CSMD1: variants seen among roughly 807,000 people sequenced by gnomAD.
The protein encoded by CSMD1 is CUB and sushi domain-containing protein 1.
In CSMD1, 213 loss-of-function variants were observed where a neutral mutation model predicts 417.5. That is an observed-to-expected ratio of 0.51 (90% CI 0.46 to 0.57). The LOEUF (loss-of-function observed/expected upper bound fraction) is 0.57, where lower values mean the gene tolerates loss of function less well. Ranked by LOEUF, CSMD1 falls within the 20% of genes least tolerant of loss-of-function variation. The pLI, the probability that CSMD1 is intolerant of heterozygous loss-of-function variation, is 0.00. For synonymous variants in CSMD1, 2,862 were observed against 1,736.8 expected (o/e 1.65, Z -16.11); for missense variants, 6,923 against 4,529.7 (o/e 1.53, Z -15.17).
chr8:4,447,354 G>A (rs1422227947), intron 2 of CSMD1, among the ~76,000 whole-genome samples: 4 of 152,288 alleles, frequency 2.6e-5, no homozygotes, highest in Non-Finnish European at 5.9e-5. Flanking sequence ...TGCTATACAA[G>A]TTAAGAGGAA....
At chr8:3,896,259 C>T (rs1341967951) in intron 5 of CSMD1, among the ~76,000 whole-genome samples, 1 of 152,138 alleles carries the variant, frequency 6.6e-6, no homozygotes, top group Non-Finnish European at 1.5e-5. Context: ...AACAGTCCTT[C>T]CAGAACTTGT....
At chr8:4,056,869 C>T (rs548570995) in intron 3 of CSMD1, among the ~76,000 whole-genome samples, 16 of 152,302 alleles carry the variant, frequency 1.1e-4, no homozygotes, top group Admixed American at 9.1e-4. Flanking sequence ...ATGAAGTCAT[C>T]ATTTTTTATG....
intron 5 of CSMD1, among the ~76,000 whole-genome samples, chr8:3,945,929 T>C (rs184076370): frequency 9.3e-4 from 142 of 152,270 alleles, no homozygotes; most frequent in African/African-American, 3.1e-3. Flanking sequence ...CAACTAAGAC[T>C]ATCATGATTA....
At chr8:4,646,629 C>G (rs1414484508) in intron 1 of CSMD1, among the ~76,000 whole-genome samples, 1 of 151,862 alleles carries the variant, frequency 6.6e-6, no homozygotes, top group East Asian at 1.9e-4. Context: ...TGTCTTTCCT[C>G]AACAATGAAG....
intron 3 of CSMD1, among the ~76,000 whole-genome samples, chr8:4,316,278 G>C (rs759427259): frequency 1.3e-5 from 2 of 152,088 alleles, no homozygotes; most frequent in Non-Finnish European, 2.9e-5. Flanking sequence ...AATTTGTTGT[G>C]ATCTGTAAGA....
At chr8:4,615,584 A>G (rs1315610108) in intron 2 of CSMD1, among the ~76,000 whole-genome samples, 1 of 152,180 alleles carries the variant, frequency 6.6e-6, no homozygotes, top group Non-Finnish European at 1.5e-5. Flanking sequence ...GAGGATAAAC[A>G]CTTCATTCAA....
At chr8:3,993,701 T>A (rs1715167929) in intron 5 of CSMD1, among the ~76,000 whole-genome samples, 1 of 152,204 alleles carries the variant, frequency 6.6e-6, no homozygotes, top group Non-Finnish European at 1.5e-5. Flanking sequence ...AACAGATGTT[T>A]CTTTTGAAGT....
chr8:3,609,931 A>G (rs973686997), intron 8 of CSMD1, among the ~76,000 whole-genome samples: 2 of 145,994 alleles, frequency 1.4e-5, no homozygotes, highest in Non-Finnish European at 3.0e-5. Context: ...CCTCCCAAGT[A>G]GCTGGGACTA....
At chr8:4,717,517 G>A (rs1237212553) in intron 1 of CSMD1, among the ~76,000 whole-genome samples, 1 of 150,606 alleles carries the variant, frequency 6.6e-6, no homozygotes, top group African/African-American at 2.5e-5. Flanking sequence ...ACAAGATTCA[G>A]TTACAAACCT....
At chr8:3,575,326 C>G (rs1161264223) in intron 9 of CSMD1, among the ~76,000 whole-genome samples, 1 of 152,156 alleles carries the variant, frequency 6.6e-6, no homozygotes, top group Non-Finnish European at 1.5e-5. Context: ...ACCAAAGGAT[C>G]TAACAGATGA....
At chr8:3,140,509 G>C (rs899037743) in intron 41 of CSMD1, among the ~76,000 whole-genome samples, 5 of 152,142 alleles carry the variant, frequency 3.3e-5, no homozygotes, top group African/African-American at 1.2e-4. Flanking sequence ...CACTGGTTTA[G>C]TCTCCAGTTT....
At chr8:3,306,713 C>A (rs1584967602) in intron 25 of CSMD1, among the ~76,000 whole-genome samples, 1 of 152,266 alleles carries the variant, frequency 6.6e-6, no homozygotes, top group Admixed American at 6.5e-5. Context: ...TTGGTTAGGA[C>A]TGTGTGTCCA....
intron 39 of CSMD1, among the ~76,000 whole-genome samples, chr8:3,156,559 C>T (rs1819547054): frequency 6.6e-6 from 1 of 152,122 alleles, no homozygotes; most frequent in African/African-American, 2.4e-5. Context: ...CTCACTGCAC[C>T]TGCAGGTGGG....
At chr8:3,163,997 A>G (rs1037491506) in intron 37 of CSMD1, among the ~76,000 whole-genome samples, 8 of 152,162 alleles carry the variant, frequency 5.3e-5, no homozygotes, top group Admixed American at 5.2e-4. Flanking sequence ...TGGATGATGG[A>G]GCCTGTAAGA....
chr8:4,045,492 T>TG, intron 3 of CSMD1, among the ~76,000 whole-genome samples: 1 of 152,136 alleles, frequency 6.6e-6, no homozygotes, highest in South Asian at 2.1e-4. Context: ...TGTCCCCAGT[T>TG]GGGGGAAGAC....
rs1002865203 is a variant in CSMD1, at chr8:3,308,448, G to C, written c.3687C>G (p.Ile1229Met). The stretch of plus-strand genomic sequence containing the variant: ...TGTCGGTAAAGTGGCCTTCATCACG[G>C]ATCCTATAGCCGTAGTTAGGGATGC... ...DPGIPNYGYR[I>M]RDEGHFTDTV... Residue 1229 changes from isoleucine to methionine, a missense_variant, in exon 24 of 70, where the codon ATC becomes ATG. By Grantham distance (10) the Ile-to-Met change is conservative. Transcript: ENST00000635120. The C allele has an allele frequency of 6.2e-7, 1 of 1,613,768 alleles. No homozygotes were observed. Among genetic ancestry groups the C allele is most frequent in the Non-Finnish European group, 8.5e-7 (1 of 1,179,786 alleles).
At chr8:4,954,214 A>T (rs189435293) in intron 1 of CSMD1, among the ~76,000 whole-genome samples, 1 of 152,208 alleles carries the variant, frequency 6.6e-6, no homozygotes, top group Non-Finnish European at 1.5e-5. Flanking sequence ...CCCTAACCTC[A>T]AGGAGCTCAG....
chr8:2,947,933 T>TG (rs1395340392), intron 68 of CSMD1, among the ~76,000 whole-genome samples: 15 of 151,996 alleles, frequency 9.9e-5, no homozygotes, highest in Admixed American at 9.8e-4. Flanking sequence ...TTATCCTTTT[T>TG]TTTTTTTTGG....
chr8:4,518,912 G>C (rs1057356319), intron 2 of CSMD1, among the ~76,000 whole-genome samples: 1 of 152,042 alleles, frequency 6.6e-6, no homozygotes, highest in Non-Finnish European at 1.5e-5. Flanking sequence ...ATAAAATCGT[G>C]TCATGAGTTA....
Sources: allele counts gnomAD v4.1 joint callset (sites outside exome capture counted in the v4.1 genomes callset), GRCh38; gene constraint gnomAD v4.1.1; transcripts MANE v1.5; gene names NCBI Gene and HGNC (gene_info 2026-07-23, HGNC 2026-07-21).